ANAPC10: variants seen among roughly 807,000 people sequenced by gnomAD.
The protein encoded by ANAPC10 is anaphase promoting complex subunit 10.
Under a neutral mutation model 22.0 loss-of-function variants are expected in ANAPC10, and 12 were observed. The observed-to-expected ratio is 0.55, with a 90% CI of 0.35 to 0.88. ANAPC10 has a LOEUF of 0.88. ANAPC10 is among the 40% of genes least tolerant of loss of function. ANAPC10 has a pLI of 0.01. For synonymous variants in ANAPC10, 65 were observed against 69.5 expected, an observed-to-expected ratio of 0.94 and a Z score of 0.32; for missense variants, 188 against 220.9, an observed-to-expected ratio of 0.85 and a Z score of 0.94.
chr4:145,093,470 A>G (rs1748011404), intron 2 of ANAPC10, among the ~76,000 whole-genome samples: 1 of 152,088 alleles, frequency 6.6e-6, no homozygotes, highest in African/African-American at 2.4e-5. Flanking sequence ...AAAAAGAAAA[A>G]CAGAATTATC....
At chr4:145,021,273 CTATAT>C (rs1735924507) in intron 4 of ANAPC10, among the ~76,000 whole-genome samples, 1 of 152,130 alleles carries the variant, frequency 6.6e-6, no homozygotes, top group Non-Finnish European at 1.5e-5. Flanking sequence ...TGATTTCAAA[CTATAT>C]TATAAGGACA....
At chr4:145,042,394 A>C (rs575613508) in intron 4 of ANAPC10, among the ~76,000 whole-genome samples, 118 of 152,298 alleles carry the variant, frequency 7.7e-4, no homozygotes, top group African/African-American at 2.7e-3. Context: ...CATTTATGAT[A>C]TTTTCAGATG....
intron 4 of ANAPC10, among the ~76,000 whole-genome samples, chr4:145,008,682 C>T (rs1293221753): frequency 7.9e-5 from 12 of 152,110 alleles, no homozygotes; most frequent in African/African-American, 1.9e-4. Flanking sequence ...ATTGATGGGA[C>T]GTATCTCAAA....
At chr4:145,086,256 T>A (rs1339342440) in intron 2 of ANAPC10, among the ~76,000 whole-genome samples, 4 of 152,158 alleles carry the variant, frequency 2.6e-5, no homozygotes, top group African/African-American at 9.7e-5. Context: ...AGCCACCGTG[T>A]CCGGCCCTGA....
chr4:145,009,482 C>A (rs1480557625), intron 4 of ANAPC10, among the ~76,000 whole-genome samples: 1 of 152,032 alleles, frequency 6.6e-6, no homozygotes, highest in Non-Finnish European at 1.5e-5. Context: ...AGATGTAGAC[C>A]AATGGAACAG....
intron 4 of ANAPC10, among the ~76,000 whole-genome samples, chr4:145,028,370 G>A (rs1216278629): frequency 6.6e-6 from 1 of 152,104 alleles, no homozygotes; most frequent in Non-Finnish European, 1.5e-5. Flanking sequence ...CTCCCAAGTT[G>A]CTCAGTTTTG....
chr4:145,026,146 C>T (rs1309133176), intron 4 of ANAPC10, among the ~76,000 whole-genome samples: 7 of 152,148 alleles, frequency 4.6e-5, no homozygotes, highest in Non-Finnish European at 1.0e-4. Flanking sequence ...TCCCTTGCCA[C>T]GTGCCCCAGG....
chr4:145,059,851 TAAAA>T (rs34293470), intron 4 of ANAPC10, among the ~76,000 whole-genome samples: 1 of 149,468 alleles, frequency 6.7e-6, no homozygotes. Context: ...CTCTAAATGA[TAAAA>T]AAAAAATCTC....
At chr4:145,094,422 C>CAA (rs1434643992) in intron 2 of ANAPC10, among the ~76,000 whole-genome samples, 1 of 152,056 alleles carries the variant, frequency 6.6e-6, no homozygotes, top group Non-Finnish European at 1.5e-5. Context: ...TATGACTGTA[C>CAA]ATGTCTGTAA....
rs750440669 is a variant in ANAPC10 at position 145,064,607 on chromosome 4, C to A, written c.292G>T (p.Val98Leu). Residue 98 changes from valine to leucine, a missense_variant, in exon 4 of 5, where the codon GTA (valine) becomes TTA (leucine). Val to Leu is a conservative substitution (Grantham distance 32, BLOSUM62 1). Transcript: ENST00000507656. ...TGAAGGTTGTGAAAATTATTTCCTA[C>A]TCTGACTGAGATCTTGCTTGGAGTA... is the stretch of plus-strand genomic sequence containing the variant. ...SYTPSKISVR[V>L]GNNFHNLQEI... The A allele has an allele frequency of 4.4e-6, 7 of 1,608,584 alleles. No individual in the cohort carries two copies. In the South Asian group the frequency reaches 7.8e-5, roughly 18 times the overall value.
At chr4:145,067,800 C>CAT (rs1743925594) in intron 3 of ANAPC10, among the ~76,000 whole-genome samples, 2 of 152,090 alleles carry the variant, frequency 1.3e-5, no homozygotes, top group African/African-American at 4.8e-5. Context: ...TCCCTTTATC[C>CAT]CCTCTTTCTT....
chr4:145,003,048 T>C (rs542507936), intron 4 of ANAPC10, among the ~76,000 whole-genome samples: 18 of 152,242 alleles, frequency 1.2e-4, no homozygotes, highest in African/African-American at 3.1e-4. Context: ...CCAGCCACTA[T>C]TGTTCCCTTC....
At chr4:145,036,338 G>A (rs1273881068) in intron 4 of ANAPC10, among the ~76,000 whole-genome samples, 4 of 152,134 alleles carry the variant, frequency 2.6e-5, no homozygotes, top group African/African-American at 2.4e-5. Flanking sequence ...ATTTAGAATT[G>A]TACACATCTA....
intron 3 of ANAPC10, among the ~76,000 whole-genome samples, chr4:145,066,687 T>C (rs1029569140): frequency 2.6e-5 from 4 of 152,108 alleles, no homozygotes; most frequent in Admixed American, 6.5e-5. Flanking sequence ...ATATTTTGTG[T>C]CTGGCCCAGA....
chr4:145,033,997 G>A (rs554873918), intron 4 of ANAPC10, among the ~76,000 whole-genome samples: 1 of 152,264 alleles, frequency 6.6e-6, no homozygotes, highest in Admixed American at 6.5e-5. Context: ...ACTAGTATTT[G>A]GGTTGGGGAT....
intron 2 of ANAPC10, among the ~76,000 whole-genome samples, chr4:145,091,913 T>C (rs1247607493): frequency 6.6e-6 from 1 of 152,130 alleles, no homozygotes; most frequent in Non-Finnish European, 1.5e-5. Context: ...CAGCCACAGA[T>C]ACAAGGCTAT....
intron 4 of ANAPC10, among the ~76,000 whole-genome samples, chr4:145,058,145 T>C (rs1742341818): frequency 6.6e-6 from 1 of 152,216 alleles, no homozygotes; most frequent in Non-Finnish European, 1.5e-5. Flanking sequence ...CCATGTTACA[T>C]CACAATATAT....
chr4:145,056,957 C>T (rs1742156972), intron 4 of ANAPC10, among the ~76,000 whole-genome samples: 1 of 152,054 alleles, frequency 6.6e-6, no homozygotes, highest in Non-Finnish European at 1.5e-5. Flanking sequence ...TTACCATTGC[C>T]ACTTTGCCTA....
intron 4 of ANAPC10, among the ~76,000 whole-genome samples, chr4:145,034,533 ATATATATATATGTGTGTG>A (rs1276231755): frequency 7.2e-6 from 1 of 138,446 alleles, no homozygotes; most frequent in African/African-American, 2.9e-5. Context: ...TTATATATAT[ATATATATATATGTGTGTG>A]TGTGTGTGTG....
Sources: gnomAD v4.1 joint callset for allele counts (sites outside exome capture counted in the v4.1 genomes callset) on GRCh38, gnomAD v4.1.1 for gene constraint, MANE v1.5 for transcripts, NCBI Gene and HGNC (gene_info 2026-07-23, HGNC 2026-07-21) for gene names.